Variants in RSRC1 observed in about 807,000 individuals in gnomAD.
RSRC1 encodes serine/Arginine-related protein 53.
A neutral mutation model predicts 49.1 loss-of-function variants in RSRC1; 39 were observed. That is an observed-to-expected ratio of 0.79 (90% CI 0.61 to 1.04). The LOEUF (loss-of-function observed/expected upper bound fraction) is 1.04. Ranked by LOEUF, RSRC1 falls within the 50% of genes least tolerant of loss-of-function variation. RSRC1 has a pLI of 0.00. For missense variants in RSRC1, 388 were observed against 402.4 expected, an observed-to-expected ratio of 0.96 and a Z score of 0.31; for synonymous variants, 143 against 130.8, an observed-to-expected ratio of 1.09 and a Z score of -0.63.
At chr3:158,506,878 G>A (rs890921545) in intron 7 of RSRC1, among the ~76,000 whole-genome samples, 3 of 149,656 alleles carry the variant, frequency 2.0e-5, no homozygotes, top group Admixed American at 1.3e-4. Flanking sequence ...ATATGTATAT[G>A]TTTATTTTAT....
intron 7 of RSRC1, among the ~76,000 whole-genome samples, chr3:158,492,861 G>A (rs753349160): frequency 1.3e-5 from 2 of 151,972 alleles, no homozygotes; most frequent in South Asian, 2.1e-4. Context: ...CTCCTCCCCC[G>A]CAACACACAC....
intron 7 of RSRC1, among the ~76,000 whole-genome samples, chr3:158,516,639 C>A (rs938910132): frequency 6.6e-6 from 1 of 152,304 alleles, no homozygotes. Flanking sequence ...TGGAGCTTCC[C>A]GGCTGCTTTG....
chr3:158,405,049 A>C (rs775187102), intron 6 of RSRC1, among the ~76,000 whole-genome samples: 5 of 152,038 alleles, frequency 3.3e-5, no homozygotes, highest in Non-Finnish European at 7.4e-5. Context: ...AAATGTCTGA[A>C]CTTAAAGCTT....
chr3:158,256,608 T>C (rs1000639552), intron 4 of RSRC1, among the ~76,000 whole-genome samples: 2 of 152,196 alleles, frequency 1.3e-5, no homozygotes, highest in African/African-American at 4.8e-5. Flanking sequence ...GAGGATTCCC[T>C]CTTTTTCTAT....
intron 5 of RSRC1, among the ~76,000 whole-genome samples, chr3:158,317,270 C>A (rs1311724305): frequency 6.6e-6 from 1 of 152,176 alleles, no homozygotes; most frequent in Non-Finnish European, 1.5e-5. Flanking sequence ...ACTCTGTCCT[C>A]CAGGCTGGAG....
At chr3:158,398,688 C>T (rs947707342) in intron 6 of RSRC1, among the ~76,000 whole-genome samples, 2 of 152,138 alleles carry the variant, frequency 1.3e-5, no homozygotes, top group Non-Finnish European at 2.9e-5. Flanking sequence ...AAAGCTTTCC[C>T]TGTCTGCTAT....
chr3:158,238,505 G>C (rs544456155), intron 4 of RSRC1, among the ~76,000 whole-genome samples: 1 of 152,220 alleles, frequency 6.6e-6, no homozygotes, highest in South Asian at 2.1e-4. Flanking sequence ...CATGGTACTG[G>C]TACCAAAACA....
chr3:158,316,248 G>A (rs560602524), intron 5 of RSRC1, among the ~76,000 whole-genome samples: 1 of 152,006 alleles, frequency 6.6e-6, no homozygotes, highest in Non-Finnish European at 1.5e-5. Context: ...TATGCTCACG[G>A]CTGTTGCAGT....
intron 4 of RSRC1, among the ~76,000 whole-genome samples, chr3:158,250,768 T>C (rs1724164681): frequency 6.6e-6 from 1 of 152,248 alleles, no homozygotes; most frequent in Non-Finnish European, 1.5e-5. Flanking sequence ...GATGCAGATA[T>C]TTTCCCAATC....
Position 158,495,755 on chromosome 3 carries a change from A to G in RSRC1, c.652+34752A>G, listed in dbSNP as rs187028446. Among the ~76,000 whole-genome samples the G allele has an allele frequency of 1.1e-4, 16 of 152,338 alleles. No homozygotes were observed. In the East Asian group the frequency reaches 3.1e-3, roughly 29 times the overall value. On this transcript the variant is annotated intron_variant, in intron 7 of 9. Coordinates refer to ENST00000611884, the MANE Select transcript of RSRC1 (RefSeq NM_001271838.2). Reference sequence around the variant, plus strand: ...AGCCCACCACCAAGTTTTATAAAGTACTGTTGAAATAAAAGCCACTCTCAT... The same window carrying G: ...AGCCCACCACCAAGTTTTATAAAGTGCTGTTGAAATAAAAGCCACTCTCAT...
chr3:158,264,292 AG>A (rs1285492250), intron 4 of RSRC1, among the ~76,000 whole-genome samples: 2 of 152,182 alleles, frequency 1.3e-5, no homozygotes, highest in African/African-American at 2.4e-5. Flanking sequence ...GTTATTTAGA[AG>A]CATGGCATAT....
At chr3:158,117,346 G>A (rs1714901326) in intron 1 of RSRC1, among the ~76,000 whole-genome samples, 1 of 152,174 alleles carries the variant, frequency 6.6e-6, no homozygotes, top group Non-Finnish European at 1.5e-5. Context: ...ACCCAGACTA[G>A]AGTGCAGTAG....
chr3:158,365,217 G>T (rs1022272690), intron 6 of RSRC1, among the ~76,000 whole-genome samples: 4 of 152,028 alleles, frequency 2.6e-5, no homozygotes, highest in Non-Finnish European at 4.4e-5. Flanking sequence ...TGTTACATAG[G>T]TATACACGTG....
chr3:158,401,315 T>C (rs1455258128), intron 6 of RSRC1, among the ~76,000 whole-genome samples: 1 of 152,068 alleles, frequency 6.6e-6, no homozygotes, highest in East Asian at 1.9e-4. Flanking sequence ...AACCCTTTGC[T>C]TATTTCTACC....
intron 5 of RSRC1, among the ~76,000 whole-genome samples, chr3:158,341,312 A>C (rs1401682421): frequency 6.6e-6 from 1 of 152,112 alleles, no homozygotes; most frequent in Non-Finnish European, 1.5e-5. Context: ...ACAGGCCCAG[A>C]GACCCAGCAG....
At chr3:158,153,897 A>G (rs1717697935) in intron 3 of RSRC1, among the ~76,000 whole-genome samples, 1 of 152,186 alleles carries the variant, frequency 6.6e-6, no homozygotes, top group Admixed American at 6.5e-5. Context: ...TTATATGATG[A>G]GAAATCCCAG....
intron 7 of RSRC1, among the ~76,000 whole-genome samples, chr3:158,493,030 G>A (rs1227916324): frequency 2.6e-5 from 4 of 152,070 alleles, no homozygotes; most frequent in Non-Finnish European, 4.4e-5. Context: ...GCTCTATAAC[G>A]ACAGGCAATA....
chr3:158,530,999 T>G (rs532277965), intron 7 of RSRC1, among the ~76,000 whole-genome samples: 1 of 151,106 alleles, frequency 6.6e-6, no homozygotes, highest in South Asian at 2.1e-4. Context: ...TTTTTATAAT[T>G]TGACATTTTC....
chr3:158,199,176 G>A (rs1372927135), intron 3 of RSRC1, among the ~76,000 whole-genome samples: 1 of 152,130 alleles, frequency 6.6e-6, no homozygotes, highest in African/African-American at 2.4e-5. Context: ...TGCTATCCGC[G>A]TAAGATGTGA....
Sources: gnomAD v4.1 joint callset for allele counts (sites outside exome capture counted in the v4.1 genomes callset) on GRCh38, gnomAD v4.1.1 for gene constraint, MANE v1.5 for transcripts, NCBI Gene and HGNC (gene_info 2026-07-23, HGNC 2026-07-21) for gene names.